MPP7: variants seen among roughly 807,000 people sequenced by gnomAD.
MPP7 encodes MAGUK p55 subfamily member 7.
MPP7 carries 60 observed loss-of-function variants against 76.5 expected under a neutral mutation model. The observed-to-expected ratio is 0.78, with a 90% CI of 0.64 to 0.97. The LOEUF is 0.97. Ranked by LOEUF, MPP7 falls within the 50% of genes least tolerant of loss-of-function variation. The probability of loss-of-function intolerance (pLI) is 0.00; values close to 1 mark genes in which losing one functional copy is unlikely to be tolerated. For missense variants in MPP7, 641 were observed against 694.0 expected, an observed-to-expected ratio of 0.92 and a Z score of 0.86; for synonymous variants, 237 against 244.5, an observed-to-expected ratio of 0.97 and a Z score of 0.29.
intron 1 of MPP7, among the ~76,000 whole-genome samples, chr10:28,273,443 T>C (rs1051900560): frequency 2.6e-5 from 4 of 152,236 alleles, no homozygotes; most frequent in African/African-American, 9.6e-5. Flanking sequence ...ATTTCCTAGG[T>C]GTCCTCTTTA....
chr10:28,066,369 ATTTAGCATCCATTTAAATAATGT>A (rs1166009995), intron 13 of MPP7, among the ~76,000 whole-genome samples: 1 of 152,196 alleles, frequency 6.6e-6, no homozygotes, highest in Non-Finnish European at 1.5e-5. Context: ...CGAGTACCTG[ATTTAGCATCCATTTAAATAATGT>A]TTTTAAATTA....
At chr10:28,170,929 G>C (rs936804306) in intron 3 of MPP7, among the ~76,000 whole-genome samples, 2 of 152,146 alleles carry the variant, frequency 1.3e-5, no homozygotes, top group African/African-American at 4.8e-5. Context: ...CGAGATAACA[G>C]TGATAGAATA....
At chr10:28,174,410 C>A (rs151283338) in intron 3 of MPP7, among the ~76,000 whole-genome samples, 1 of 152,084 alleles carries the variant, frequency 6.6e-6, no homozygotes, top group Non-Finnish European at 1.5e-5. Flanking sequence ...ATGAAAGGAG[C>A]CTGACACCTC....
At chr10:28,150,427 G>A (rs1209556609) in intron 3 of MPP7, among the ~76,000 whole-genome samples, 3 of 152,144 alleles carry the variant, frequency 2.0e-5, no homozygotes, top group African/African-American at 7.2e-5. Context: ...AGTATCAGTT[G>A]CAGCTTATAT....
At chr10:28,318,003 A>T (rs908474307) in intron 2 of MPP7, among the ~76,000 whole-genome samples, 2 of 152,242 alleles carry the variant, frequency 1.3e-5, no homozygotes, top group African/African-American at 4.8e-5. Flanking sequence ...AAGCTGCACA[A>T]CCATATGCTG....
chr10:28,062,531 A>AACACACAC lies in MPP7; in HGVS notation c.1205-2796_1205-2789dup, dbSNP rs56923979. ...AAATTCAATCATTTCCATAATAGTA[A>AACACACAC]ACACACACACACACACACACACACA... On this transcript the variant is annotated intron_variant, in intron 13 of 16. Transcript: ENST00000683449. Among the ~76,000 whole-genome samples, 824 of 132,342 alleles carry AACACACAC rather than the reference A, an allele frequency of 6.2e-3. 5 individuals are homozygous for AACACACAC. Among genetic ancestry groups the AACACACAC allele is most frequent in the Non-Finnish European group, 8.1e-3 (497 of 61,194 alleles). 86.8% of individuals were successfully genotyped at this position (132,342 alleles called of 152,430 possible). A position where few individuals can be genotyped will look rare whatever the true frequency, so the allele number is the denominator to read the frequency against.
chr10:28,258,024 A>G (rs890807064), intron 1 of MPP7, among the ~76,000 whole-genome samples: 9 of 152,170 alleles, frequency 5.9e-5, no homozygotes, highest in Non-Finnish European at 8.8e-5. Context: ...CACAAATAAC[A>G]TAAACATACA....
chr10:28,221,116 C>T (rs1838490549), intron 2 of MPP7, among the ~76,000 whole-genome samples: 1 of 152,134 alleles, frequency 6.6e-6, no homozygotes, highest in Non-Finnish European at 1.5e-5. Flanking sequence ...TAGGGAAAGA[C>T]ATGGTAGGTT....
intron 6 of MPP7, among the ~76,000 whole-genome samples, chr10:28,125,314 C>T: frequency 6.6e-6 from 1 of 152,164 alleles, no homozygotes; most frequent in Non-Finnish European, 1.5e-5. Flanking sequence ...GGGTTTCAGC[C>T]CAATTTAAGG....
rs1457589372 is a variant in MPP7 at position 28,125,107 on chromosome 10, C to A, written c.448-16G>T. On this transcript the variant is annotated splice_polypyrimidine_tract_variant and intron_variant, in intron 6 of 16. Transcript: ENST00000683449. ...TGGTAGCTCCCTTTTAAGACAAAAA[C>A]AAAAAGCATTTGTGGGTAAATGTGT... 13 of 1,609,540 alleles carry A rather than the reference C, an allele frequency of 8.1e-6. No homozygotes were observed. The highest frequency in any genetic ancestry group is 8.5e-7 in the Non-Finnish European group (1 of 1,176,478).
At chr10:28,079,112 C>T (rs1188373130) in intron 12 of MPP7, among the ~76,000 whole-genome samples, 2 of 152,026 alleles carry the variant, frequency 1.3e-5, no homozygotes, top group Non-Finnish European at 1.5e-5. Flanking sequence ...AATTATGAGA[C>T]GTAGGGTATT....
intron 3 of MPP7, among the ~76,000 whole-genome samples, chr10:28,177,260 CAAAAAAAAAAAA>C (rs57984876): frequency 2.9e-5 from 3 of 104,158 alleles, no homozygotes; most frequent in African/African-American, 7.6e-5. Flanking sequence ...ACTAAAAATG[CAAAAAAAAAAAA>C]AAAAAAAAAA....
At chr10:28,206,302 A>G (rs1837947950) in intron 2 of MPP7, among the ~76,000 whole-genome samples, 1 of 152,204 alleles carries the variant, frequency 6.6e-6, no homozygotes, top group African/African-American at 2.4e-5. Context: ...CCCAACATAA[A>G]GCAATCCTAA....
At chr10:28,275,841 C>G (rs1840478125) in intron 1 of MPP7, among the ~76,000 whole-genome samples, 1 of 151,958 alleles carries the variant, frequency 6.6e-6, no homozygotes, top group African/African-American at 2.4e-5. Flanking sequence ...TGATAGGTCT[C>G]CAACTCACTG....
intron 11 of MPP7, among the ~76,000 whole-genome samples, chr10:28,101,598 C>T (rs2133515199): frequency 6.6e-6 from 1 of 152,080 alleles, no homozygotes; most frequent in Admixed American, 6.5e-5. Flanking sequence ...GTATGAAGTA[C>T]TCCAGAGCAA....
At chr10:28,275,845 C>A (rs1275937444) in intron 1 of MPP7, among the ~76,000 whole-genome samples, 1 of 151,992 alleles carries the variant, frequency 6.6e-6, no homozygotes, top group East Asian at 1.9e-4. Flanking sequence ...AGGTCTCCAA[C>A]TCACTGGTTA....
intron 2 of MPP7, among the ~76,000 whole-genome samples, chr10:28,205,178 A>G (rs1837911473): frequency 6.6e-6 from 1 of 152,128 alleles, no homozygotes; most frequent in Non-Finnish European, 1.5e-5. Flanking sequence ...CCAGAAATTA[A>G]AGACATGATT....
intron 1 of MPP7, among the ~76,000 whole-genome samples, chr10:28,300,655 G>C (rs554487911): frequency 4.6e-5 from 7 of 152,182 alleles, no homozygotes; most frequent in African/African-American, 1.7e-4. Context: ...TTCATGATTA[G>C]AACAGTTACA....
chr10:28,271,989 A>G (rs114934436), intron 1 of MPP7, among the ~76,000 whole-genome samples: 2,124 of 152,130 alleles, frequency 0.014, 50 homozygotes, highest in African/African-American at 0.048. Flanking sequence ...AACAAACAAA[A>G]AAAAGATTCT....
Sources: gnomAD v4.1 joint callset for allele counts (sites outside exome capture counted in the v4.1 genomes callset) on GRCh38, gnomAD v4.1.1 for gene constraint, MANE v1.5 for transcripts, NCBI Gene and HGNC (gene_info 2026-07-23, HGNC 2026-07-21) for gene names.